Variants in TENT5D observed in about 807,000 individuals in gnomAD.
The protein encoded by TENT5D is cancer/testis antigen 112.
For synonymous variants in TENT5D, 103 were observed against 100.6 expected (o/e 1.02, Z -0.15); for missense variants, 191 against 287.0 (o/e 0.67, Z 2.42).
intron 3 of TENT5D, among the ~76,000 whole-genome samples, chrX:80,357,980 G>A (rs1277548936): frequency 9.0e-6 from 1 of 111,058 alleles, no homozygotes; most frequent in African/African-American, 3.3e-5. Flanking sequence ...TAGACCAATG[G>A]AACAGAACAG....
chrX:80,394,303 A>T (rs185241972), intron 3 of TENT5D, among the ~76,000 whole-genome samples: 36 of 99,813 alleles, frequency 3.6e-4, no homozygotes, highest in Non-Finnish European at 6.4e-4. Context: ...TTCCTTAATG[A>T]TTAGTGATGT....
At position 80,412,415 on chromosome X, in the gene TENT5D, G is replaced by T. The variant is rs59840335; in HGVS notation, c.-141-26195G>T. On this transcript the variant is annotated intron_variant, in intron 3 of 4. Coordinates refer to the TENT5D transcript ENST00000538312. ...CTTGCTACTTCTGAAAATTTCTGCAGCCGGCCTGAATTTCTTCTCAAAAAA... is the reference window on the plus strand; with the variant it reads ...CTTGCTACTTCTGAAAATTTCTGCATCCGGCCTGAATTTCTTCTCAAAAAA... 4.7e-3 allele frequency among the ~76,000 whole-genome samples: 533 copies of T among 112,772 alleles called. 7 individuals are homozygous for T. The highest frequency in any genetic ancestry group is 0.016 in the African/African-American group (506 of 31,108).
chrX:80,421,196 T>G (rs927913168), intron 1 of TENT5D, among the ~76,000 whole-genome samples: 2 of 111,464 alleles, frequency 1.8e-5, no homozygotes, highest in Non-Finnish European at 3.8e-5. Context: ...TGTTTGTTTG[T>G]TTGTTTTTTA....
chrX:80,403,706 G>T lies in TENT5D; in HGVS notation c.-141-34904G>T, dbSNP rs146809030. On this transcript the variant is annotated intron_variant, in intron 3 of 4. Transcript: ENST00000538312. ...CAGTAGCAGTCCTCATGCCCCTAGT[G>T]GTGCCAACCACAAATGCCTCCACAC... Among the ~76,000 whole-genome samples the T allele has an allele frequency of 3.6e-3, 406 of 112,150 alleles. 2 individuals are homozygous for T. The highest frequency in any genetic ancestry group is 6.2e-3 in the Non-Finnish European group (329 of 53,240).
At chrX:80,433,966 CTCTACTAAAAA>C (rs1238894047) in intron 1 of TENT5D, among the ~76,000 whole-genome samples, 21 of 109,092 alleles carry the variant, frequency 1.9e-4, no homozygotes, top group African/African-American at 7.0e-4. Context: ...GAAACCCCAT[CTCTACTAAAAA>C]TAAAAAAAAA....
At chrX:80,342,709 A>T (rs1163952252) in intron 3 of TENT5D, 1 of 112,079 alleles carries the variant, frequency 8.9e-6, no homozygotes, top group Non-Finnish European at 1.9e-5. Context: ...CCATAATTCA[A>T]GATGTATTTA....
chrX:80,348,504 G>A (rs1602499354), intron 3 of TENT5D, among the ~76,000 whole-genome samples: 1 of 111,741 alleles, frequency 8.9e-6, no homozygotes, highest in African/African-American at 3.3e-5. Flanking sequence ...TTTGCCCATT[G>A]ATTTTGTATC....
upstream of TENT5D, among the ~76,000 whole-genome samples, chrX:80,416,635 G>T (rs778208868): frequency 1.8e-5 from 2 of 110,396 alleles, no homozygotes; most frequent in Non-Finnish European, 3.8e-5. Context: ...TGTTTGGGGT[G>T]GGGGGTGCTG....
chrX:80,394,447 G>C (rs959972987), intron 3 of TENT5D, among the ~76,000 whole-genome samples: 4 of 94,235 alleles, frequency 4.2e-5, no homozygotes, highest in Non-Finnish European at 6.2e-5. Context: ...GCCCAGGCTG[G>C]AGTGCAATGC....
At chrX:80,359,820 T>C (rs968246157) in intron 3 of TENT5D, among the ~76,000 whole-genome samples, 4 of 111,869 alleles carry the variant, frequency 3.6e-5, no homozygotes, top group African/African-American at 1.3e-4. Flanking sequence ...TCTAGAGATA[T>C]GGCTGTGTTG....
In TENT5D at chrX:80,382,267, C is replaced by G. The variant is rs1930881525; in HGVS notation, c.-142+39703C>G. Among the ~76,000 whole-genome samples the G allele has an allele frequency of 2.7e-5, 3 of 112,004 alleles. No individual in the cohort carries two copies. The South Asian group carries it at 1.1e-3, about 42-fold the overall frequency. On this transcript the variant is annotated intron_variant, in intron 3 of 4. Transcript: ENST00000538312. ...GGAGGTCCACTCCAGACCCTGTTTG[C>G]CTGGGTATCACCAACAGAGGCTGCA...
chrX:80,373,844 T>G (rs182006606), intron 3 of TENT5D, among the ~76,000 whole-genome samples: 1 of 111,820 alleles, frequency 8.9e-6, no homozygotes, highest in East Asian at 2.8e-4. Context: ...AAGCATTTTT[T>G]AAACTTTTAA....
intron 3 of TENT5D, among the ~76,000 whole-genome samples, chrX:80,372,419 T>C (rs1450793749): frequency 8.9e-6 from 1 of 112,238 alleles, no homozygotes; most frequent in Non-Finnish European, 1.9e-5. Flanking sequence ...ATCATGATAC[T>C]GTGTGTAAGC....
intron 1 of TENT5D, among the ~76,000 whole-genome samples, chrX:80,431,426 C>A (rs1295364681): frequency 8.9e-6 from 1 of 111,861 alleles, no homozygotes; most frequent in Admixed American, 9.5e-5. Flanking sequence ...ACTCCAAATT[C>A]TTTTTAGACA....
chrX:80,409,386 G>A (rs1254066249), intron 3 of TENT5D, among the ~76,000 whole-genome samples: 1 of 111,146 alleles, frequency 9.0e-6, no homozygotes, highest in Non-Finnish European at 1.9e-5. Flanking sequence ...CAGCTGATAA[G>A]CAACTTCAGC....
chrX:80,407,339 C>G (rs1392624790), intron 3 of TENT5D, among the ~76,000 whole-genome samples: 5 of 110,887 alleles, frequency 4.5e-5, no homozygotes, highest in African/African-American at 6.6e-5. Context: ...CATCAGTGTG[C>G]TGTATTCAGG....
chrX:80,339,439 G>C (rs1929915451), intron 2 of TENT5D, among the ~76,000 whole-genome samples: 1 of 111,385 alleles, frequency 9.0e-6, no homozygotes, highest in African/African-American at 3.3e-5. Flanking sequence ...AGTACACTTT[G>C]CTGGTTTCAT....
At chrX:80,414,644 A>C (rs920381741) in intron 3 of TENT5D, among the ~76,000 whole-genome samples, 4 of 112,112 alleles carry the variant, frequency 3.6e-5, no homozygotes, top group Non-Finnish European at 7.5e-5. Context: ...GAAGTAGATA[A>C]GAGACAAAAG....
At chrX:80,382,571 G>A (rs185801945) in intron 3 of TENT5D, among the ~76,000 whole-genome samples, 27 of 111,937 alleles carry the variant, frequency 2.4e-4, no homozygotes, top group Admixed American at 6.6e-4. Flanking sequence ...TTTTGTTTAG[G>A]TGTGTCCTGA....
Sources: gnomAD v4.1 joint callset for allele counts (sites outside exome capture counted in the v4.1 genomes callset) on GRCh38, gnomAD v4.1.1 for gene constraint, MANE v1.5 for transcripts, NCBI Gene and HGNC (gene_info 2026-07-23, HGNC 2026-07-21) for gene names.